The following ASPH variants were observed in gnomAD, a reference collection of about 807,000 sequenced individuals.
The protein encoded by ASPH is aspartyl/asparaginyl beta-hydroxylase.
Under a neutral mutation model 118.4 loss-of-function variants are expected in ASPH, and 100 were observed. That is an observed-to-expected ratio of 0.84 (90% confidence interval 0.72 to 1.00). The LOEUF is 1.00. ASPH is among the 50% of genes least tolerant of loss of function. ASPH has a pLI of 0.00. For missense variants in ASPH, 920 were observed against 919.5 expected, an observed-to-expected ratio of 1.00 and a Z score of -0.01; for synonymous variants, 315 against 325.6, an observed-to-expected ratio of 0.97 and a Z score of 0.35.
intron 3 of ASPH, among the ~76,000 whole-genome samples, chr8:61,670,117 A>G (rs1175155546): frequency 1.3e-5 from 2 of 152,098 alleles, no homozygotes; most frequent in Non-Finnish European, 2.9e-5. Flanking sequence ...AATTTAAACA[A>G]TTATTACATT....
At chr8:61,708,878 GCCCCCCACCCCTCAA>G (rs938161642) in intron 1 of ASPH, among the ~76,000 whole-genome samples, 1 of 63,654 alleles carries the variant, frequency 1.6e-5, no homozygotes, top group Non-Finnish European at 3.2e-5. Context: ...CCACCCCCCA[GCCCCCCACCCCTCAA>G]CCAAGTCAAT....
intron 13 of ASPH, among the ~76,000 whole-genome samples, chr8:61,620,799 A>C (rs1850643916): frequency 6.6e-6 from 1 of 152,234 alleles, no homozygotes; most frequent in African/African-American, 2.4e-5. Context: ...TAGAAAAATC[A>C]AGCGTAAAAT....
At chr8:61,643,211 T>C (rs933368945) in intron 9 of ASPH, among the ~76,000 whole-genome samples, 175 bp downstream of exon 9, 1 of 152,210 alleles carries the variant, frequency 6.6e-6, no homozygotes, top group African/African-American at 2.4e-5. Flanking sequence ...AGGTGAAATA[T>C]GAAAGCCTGA....
At chr8:61,541,989 A>G (rs1189930796) in intron 21 of ASPH, among the ~76,000 whole-genome samples, 1 of 152,204 alleles carries the variant, frequency 6.6e-6, no homozygotes, top group Admixed American at 6.5e-5. Flanking sequence ...AAGCAAACAG[A>G]TTTTGAGGAC....
intron 3 of ASPH, chr8:61,664,938 T>A (rs879814570): frequency 7.4e-6 from 8 of 1,085,524 alleles, no homozygotes; most frequent in Non-Finnish European, 8.9e-6. Context: ...AATATTCTTA[T>A]TTAACGTCAA....
intron 7 of ASPH, 64 bp downstream of exon 7, chr8:61,644,536 T>G: frequency 8.1e-7 from 1 of 1,228,678 alleles, no homozygotes; most frequent in South Asian, 1.9e-5. Flanking sequence ...TATTATGTAT[T>G]TTATGATGCC....
chr8:61,530,892 T>C (rs1306739796), intron 21 of ASPH, among the ~76,000 whole-genome samples: 4 of 152,220 alleles, frequency 2.6e-5, no homozygotes, highest in Admixed American at 2.0e-4. Flanking sequence ...ATTTATTAAT[T>C]TGAGGCATTA....
At chr8:61,712,211 CA>C (rs1482642040) in intron 1 of ASPH, among the ~76,000 whole-genome samples, 3 of 152,120 alleles carry the variant, frequency 2.0e-5, no homozygotes, top group East Asian at 3.9e-4. Flanking sequence ...TTGATTTTCC[CA>C]GTAGAAGGAA....
chr8:61,634,047 TAA>T (rs1397452032), intron 12 of ASPH, among the ~76,000 whole-genome samples: 15 of 152,212 alleles, frequency 9.9e-5, no homozygotes, highest in Admixed American at 2.0e-4. Flanking sequence ...TCAGATTTGA[TAA>T]GAGAGCTGTG....
chr8:61,515,403 C>T (rs944288918), intron 24 of ASPH, among the ~76,000 whole-genome samples: 3 of 152,194 alleles, frequency 2.0e-5, no homozygotes, highest in African/African-American at 7.2e-5. Flanking sequence ...ATCCCTGATT[C>T]CTCCTCCTGG....
chr8:61,562,636 A>T, intron 18 of ASPH, 108 bp downstream of exon 18: 1 of 1,131,584 alleles, frequency 8.8e-7, no homozygotes, highest in South Asian at 2.1e-5. Flanking sequence ...TAATACTTAC[A>T]TGCTTTTTAA....
At chr8:61,701,978 A>G (rs2151869368) in intron 1 of ASPH, among the ~76,000 whole-genome samples, 1 of 152,336 alleles carries the variant, frequency 6.6e-6, no homozygotes, top group East Asian at 1.9e-4. Flanking sequence ...TTACAAGGTA[A>G]TACTAGACAT....
chr8:61,598,415 G>T (rs1259945198), intron 14 of ASPH, among the ~76,000 whole-genome samples: 7 of 152,160 alleles, frequency 4.6e-5, no homozygotes, highest in Middle Eastern at 3.4e-3. Context: ...AACAAAGAAG[G>T]TCATTATATA....
At chr8:61,703,608 CAGAA>C (rs1453386858) in intron 1 of ASPH, among the ~76,000 whole-genome samples, 6 of 151,870 alleles carry the variant, frequency 4.0e-5, no homozygotes, top group South Asian at 2.1e-4. Context: ...AAAAAAAAGG[CAGAA>C]AGAAACTAAA....
chr8:61,708,186 T>C (rs931685736), intron 1 of ASPH, among the ~76,000 whole-genome samples: 6 of 152,196 alleles, frequency 3.9e-5, no homozygotes, highest in African/African-American at 1.4e-4. Context: ...CTTAAATATG[T>C]ACTATTTCAA....
intron 13 of ASPH, among the ~76,000 whole-genome samples, chr8:61,629,098 C>T (rs946145072): frequency 6.6e-6 from 1 of 151,490 alleles, no homozygotes; most frequent in Non-Finnish European, 1.5e-5. Flanking sequence ...GGAGTGAAAC[C>T]ACTACCAATG....
chr8:61,644,515 TTAA>T, intron 7 of ASPH, 82 bp downstream of exon 7: 2 of 904,954 alleles, frequency 2.2e-6, no homozygotes, highest in African/African-American at 1.8e-5. Flanking sequence ...AAATATATCA[TTAA>T]TAATAGATAT....
chr8:61,702,005 G>A (rs1367274398), intron 1 of ASPH, among the ~76,000 whole-genome samples: 1 of 152,122 alleles, frequency 6.6e-6, no homozygotes, highest in African/African-American at 2.4e-5. Flanking sequence ...GCTATATTCT[G>A]TTTACAAGAA....
Position 61,607,426 on chromosome 8 carries a change from C to T in ASPH, c.976+11552G>A, listed in dbSNP as rs1845913430. ...GAACTCAAAGGCAAAAATCAGTGTT[C>T]TCTTATTCTACCATGACCAACTCAA... On this transcript the variant is annotated intron_variant, in intron 14 of 24. Coordinates refer to ENST00000379454, the MANE Select transcript of ASPH (RefSeq NM_004318.4). The T allele has an allele frequency of 1.2e-5, 7 of 594,510 alleles. No homozygotes were observed. In the South Asian group the frequency reaches 1.4e-4, roughly 12 times the overall value. The allele number at this position is 594,510 out of a possible 1,614,324, so 36.8% of individuals were successfully genotyped here.
Sources: gnomAD v4.1 joint callset for allele counts (sites outside exome capture counted in the v4.1 genomes callset) on GRCh38, gnomAD v4.1.1 for gene constraint, MANE v1.5 for transcripts, NCBI Gene and HGNC (gene_info 2026-07-23, HGNC 2026-07-21) for gene names.